NLK: variants seen among roughly 807,000 people sequenced by gnomAD.
NLK encodes nemo like kinase, also known as serine/threonine-protein kinase NLK.
In NLK, 11 loss-of-function variants were observed where a neutral mutation model predicts 59.0. The ratio of observed to expected loss-of-function variants is 0.19; its 90% CI spans 0.12 to 0.31. The LOEUF is 0.31. Among genes scored for constraint, NLK ranks in the 10% least tolerant of loss-of-function variants. The pLI is 1.00. For missense variants in NLK, 410 were observed against 661.1 expected (o/e 0.62, Z 4.16); for synonymous variants, 235 against 235.9 (o/e 1.00, Z 0.03).
intron 1 of NLK, among the ~76,000 whole-genome samples, chr17:28,091,938 A>G (rs1238826579): frequency 6.6e-6 from 1 of 152,160 alleles, no homozygotes; most frequent in Non-Finnish European, 1.5e-5. Flanking sequence ...TCTTTTGACA[A>G]CCAGCCTGTC....
At chr17:28,186,557 T>TA (rs1909123076) in intron 8 of NLK, among the ~76,000 whole-genome samples, 1 of 152,174 alleles carries the variant, frequency 6.6e-6, no homozygotes, top group Non-Finnish European at 1.5e-5. Flanking sequence ...ACTTAAACCT[T>TA]AAAGTTCCAC....
intron 1 of NLK, among the ~76,000 whole-genome samples, chr17:28,106,985 A>G (rs910351607): frequency 6.6e-6 from 1 of 152,184 alleles, no homozygotes; most frequent in African/African-American, 2.4e-5. Context: ...TGAAATGGAT[A>G]ATTAAAACTT....
Position 28,154,040 on chromosome 17 carries a change from C to T in NLK, c.645-7120C>T, listed in dbSNP as rs1191973970. On this transcript the variant is annotated intron_variant, in intron 3 of 10. Transcript: ENST00000407008. ...GTAAAGAGTTTTCAACCTTAAAACA[C>T]AGTGGATAGAACATAAATCTTTACT... 2.6e-5 allele frequency among the ~76,000 whole-genome samples: 4 copies of T among 152,130 alleles called. No individual in the cohort carries two copies. In the South Asian group the frequency reaches 8.3e-4, roughly 32 times the overall value.
chr17:28,066,183 ACCTCATCCCTAAATTCAAC>A (rs1909817636), intron 1 of NLK, among the ~76,000 whole-genome samples: 1 of 151,900 alleles, frequency 6.6e-6, no homozygotes, highest in African/African-American at 2.4e-5. Flanking sequence ...ACTTACTGAA[ACCTCATCCCTAAATTCAAC>A]CCTCATCCTC....
intron 7 of NLK, among the ~76,000 whole-genome samples, chr17:28,172,988 T>C (rs938524322): frequency 6.6e-6 from 1 of 152,190 alleles, no homozygotes; most frequent in Non-Finnish European, 1.5e-5. Context: ...ATACCTCGTA[T>C]TTCTTATTCC....
intron 10 of NLK, among the ~76,000 whole-genome samples, chr17:28,194,253 A>G (rs1487844695): frequency 6.6e-6 from 1 of 152,236 alleles, no homozygotes; most frequent in African/African-American, 2.4e-5. Flanking sequence ...CACATCTATT[A>G]TCATTTATTC....
chr17:28,192,735 G>C (rs987171603), intron 10 of NLK, among the ~76,000 whole-genome samples: 1 of 151,946 alleles, frequency 6.6e-6, no homozygotes, highest in African/African-American at 2.4e-5. Context: ...CGGTTGCTTT[G>C]GCAATTTTTT....
chr17:28,086,553 TA>T (rs1910522421), intron 1 of NLK, among the ~76,000 whole-genome samples: 1 of 152,214 alleles, frequency 6.6e-6, no homozygotes, highest in Non-Finnish European at 1.5e-5. Context: ...ATTGTTTTGT[TA>T]TTTTTTAGCA....
intron 1 of NLK, among the ~76,000 whole-genome samples, chr17:28,068,703 A>G (rs1909914770): frequency 1.3e-5 from 2 of 152,174 alleles, no homozygotes; most frequent in Admixed American, 1.3e-4. Context: ...TTTTAGAGAC[A>G]AGATCTCTTT....
rs1280558456 is a variant in NLK, at chr17:28,191,123, A to G, written c.1339A>G (p.Thr447Ala). 2 of 1,613,890 alleles carry G rather than the reference A, an allele frequency of 1.2e-6. No individual in the cohort carries two copies. Among genetic ancestry groups the G allele is most frequent in the Non-Finnish European group, 1.7e-6 (2 of 1,179,802 alleles). The change falls in exon 9 of 11, where the codon ACT (threonine) becomes GCT (alanine). Residue 447 changes from threonine to alanine, a missense_variant. By Grantham distance (58) the Thr-to-Ala change is moderately conservative (BLOSUM62 0). Coordinates refer to ENST00000407008, the MANE Select transcript of NLK (RefSeq NM_016231.5). Reference sequence around the variant, plus strand: ...GTGTAAATGTTGCTTTTCCACCTCCACTGGAAGAGTTTATACCAGTGACTT... The same window carrying G: ...GTGTAAATGTTGCTTTTCCACCTCCGCTGGAAGAGTTTATACCAGTGACTT... Reference protein sequence around the residue: ...CMCKCCFSTSTGRVYTSDFEP... With the variant: ...CMCKCCFSTSAGRVYTSDFEP...
At chr17:28,179,349 C>A (rs780824203) in intron 7 of NLK, among the ~76,000 whole-genome samples, 37 of 152,128 alleles carry the variant, frequency 2.4e-4, no homozygotes, top group Non-Finnish European at 4.9e-4. Context: ...CCCACCTCAG[C>A]CTCTCGAATA....
intron 1 of NLK, among the ~76,000 whole-genome samples, chr17:28,085,600 C>T (rs951998296): frequency 1.8e-4 from 28 of 152,090 alleles, no homozygotes; most frequent in African/African-American, 6.3e-4. Flanking sequence ...AGTAGCCAGG[C>T]GTAGTGGTGC....
chr17:28,175,116 G>T (rs554510406), intron 7 of NLK, among the ~76,000 whole-genome samples: 4 of 151,690 alleles, frequency 2.6e-5, no homozygotes, highest in African/African-American at 9.7e-5. Flanking sequence ...CACAGGTTAT[G>T]TACTCAATTT....
At chr17:28,047,579 C>T (rs1293680499) in intron 1 of NLK, among the ~76,000 whole-genome samples, 3 of 152,044 alleles carry the variant, frequency 2.0e-5, no homozygotes, top group Admixed American at 1.3e-4. Flanking sequence ...TGAAAGACAT[C>T]CTTATTGTCG....
chr17:28,157,225 T>C (rs952056191), intron 3 of NLK, among the ~76,000 whole-genome samples: 2 of 152,106 alleles, frequency 1.3e-5, no homozygotes, highest in Non-Finnish European at 2.9e-5. Flanking sequence ...AAAGTCTTGC[T>C]CTGTCACCCA....
At chr17:28,205,231 C>G in the NLK span, among the ~76,000 whole-genome samples, 2 of 152,186 alleles carry the variant, frequency 1.3e-5, 1 homozygote, top group Admixed American at 1.3e-4. Flanking sequence ...TGAGACGTAC[C>G]TGGAATAGTA....
intron 2 of NLK, 74 bp downstream of exon 2, chr17:28,122,806 G>A (rs571396506): frequency 6.5e-7 from 1 of 1,536,282 alleles, no homozygotes; most frequent in Admixed American, 1.8e-5. Context: ...GCAGATGAAA[G>A]TTTAAAAGGG....
Position 28,172,543 on chromosome 17 carries a change from C to T in NLK, c.1074C>T (p.Gly358=). ...QQLDLITDLL[G]TPSLEAMRTA... is the part of the protein sequence containing the mutation. Reference sequence around the variant, plus strand: ...TGGATTTGATCACGGATCTGTTGGGCACACCATCACTGGAAGCAATGAGGA... The same window carrying T: ...TGGATTTGATCACGGATCTGTTGGGTACACCATCACTGGAAGCAATGAGGA... Residue 358 remains glycine, a synonymous_variant, in exon 7 of 11, where the codon GGC becomes GGT. Coordinates refer to ENST00000407008, the MANE Select transcript of NLK (RefSeq NM_016231.5). The T allele has an allele frequency of 6.3e-7, 1 of 1,593,124 alleles. No homozygotes were observed. Among genetic ancestry groups the T allele is most frequent in the South Asian group, 1.1e-5 (1 of 87,448 alleles).
chr17:28,156,246 C>G (rs1302143337), intron 3 of NLK, among the ~76,000 whole-genome samples: 1 of 152,034 alleles, frequency 6.6e-6, no homozygotes, highest in Non-Finnish European at 1.5e-5. Context: ...ATCTCATTTC[C>G]TCTATTCTTT....
Sources: gnomAD v4.1 joint callset for allele counts (sites outside exome capture counted in the v4.1 genomes callset) on GRCh38, gnomAD v4.1.1 for gene constraint, MANE v1.5 for transcripts, NCBI Gene and HGNC (gene_info 2026-07-23, HGNC 2026-07-21) for gene names.